ZFP37: variants seen among roughly 807,000 people sequenced by gnomAD.
The protein encoded by ZFP37 is zinc finger protein 37 homolog.
ZFP37 carries 38 observed loss-of-function variants against 52.1 expected under a neutral mutation model. The ratio of observed to expected loss-of-function variants is 0.73; its 90% CI spans 0.56 to 0.96. The LOEUF (loss-of-function observed/expected upper bound fraction) is 0.96. Among genes scored for constraint, ZFP37 ranks in the 40% least tolerant of loss-of-function variants. The pLI, the probability that ZFP37 is intolerant of heterozygous loss-of-function variation, is 0.00. For synonymous variants in ZFP37, 253 were observed against 259.5 expected (o/e 0.98, Z 0.24); for missense variants, 695 against 741.4 (o/e 0.94, Z 0.73).
intron 1 of ZFP37, among the ~76,000 whole-genome samples, chr9:113,051,623 T>C (rs1226711982): frequency 6.6e-6 from 1 of 152,084 alleles, no homozygotes; most frequent in Admixed American, 6.5e-5. Context: ...CTGACTGATT[T>C]TTAAATTTTT....
At position 113,038,729 on chromosome 9, in the gene ZFP37, G is replaced by A. The variant is rs1000366088; in HGVS notation, c.*3996C>T. The A allele has an allele frequency of 6.6e-6, 1 of 152,016 alleles. No homozygotes were observed. Among genetic ancestry groups the A allele is most frequent in the Non-Finnish European group, 1.5e-5 (1 of 68,002 alleles). The allele number at this position is 152,016 out of a possible 1,614,324, so 9.4% of individuals were successfully genotyped here. On this transcript the variant is annotated 3_prime_UTR_variant, in exon 4 of 4. Transcript: ENST00000374227. ...GCCTGGGAGGTAGAGATTGTAATGA[G>A]CCAAGATTGCACTACTGCACACTCC... is the stretch of plus-strand genomic sequence containing the variant.
At chr9:113,047,577 C>T (rs989652568) in intron 3 of ZFP37, among the ~76,000 whole-genome samples, 2 of 151,808 alleles carry the variant, frequency 1.3e-5, no homozygotes, top group Non-Finnish European at 2.9e-5. Context: ...CAGCAAGACC[C>T]TGTCTCTATG....
In ZFP37 at chr9:113,044,043, T is replaced by C. The variant is rs746217394; in HGVS notation, c.575A>G (p.Asp192Gly). ...KILKQNLDLP[D>G]HSRNCVKRKS... ...CCTTTTTACACAGTTTCTTGAGTGA[T>C]CAGGTAAATCTAAATTCTGTTTCAA... Residue 192 changes from aspartate to glycine, a missense_variant, in exon 4 of 4, where the codon GAT (aspartate) becomes GGT (glycine). Coordinates refer to ENST00000374227, the MANE Select transcript of ZFP37 (RefSeq NM_003408.3). 8 of 1,612,166 alleles carry C rather than the reference T, an allele frequency of 5.0e-6. No homozygotes were observed. Among genetic ancestry groups the C allele is most frequent in the South Asian group, 1.1e-5 (1 of 90,334 alleles).
intron 3 of ZFP37, among the ~76,000 whole-genome samples, chr9:113,048,168 GTGA>G (rs1828992574): frequency 6.6e-6 from 1 of 152,214 alleles, no homozygotes; most frequent in East Asian, 1.9e-4. Context: ...GTAAGCAGTG[GTGA>G]TCTTAAAGTC....
Position 113,043,674 on chromosome 9 carries a change from T to G in ZFP37, c.944A>C (p.His315Pro), listed in dbSNP as rs1828896866. Residue 315 changes from histidine (H) to proline (P), a missense_variant, in exon 4 of 4, where the codon CAT (histidine) becomes CCT (proline). Physicochemically the swap from His to Pro is moderately conservative, Grantham distance 77. Coordinates refer to ENST00000374227, the MANE Select transcript of ZFP37 (RefSeq NM_003408.3). Reference protein sequence around the residue: ...KQGLIDHQRVHTGEKPYECNE... With the variant: ...KQGLIDHQRVPTGEKPYECNE... ...ACATTCATATGGTTTCTCCCCAGTA[T>G]GAACTCTCTGATGGTCAATGAGTCC... 1 of 1,614,132 alleles carries G rather than the reference T, an allele frequency of 6.2e-7. No homozygotes were observed. Among genetic ancestry groups the G allele is most frequent in the Non-Finnish European group, 8.5e-7 (1 of 1,179,964 alleles).
intron 3 of ZFP37, among the ~76,000 whole-genome samples, chr9:113,044,601 GTTTC>G (rs1241796441): frequency 6.6e-6 from 1 of 151,962 alleles, no homozygotes; most frequent in Non-Finnish European, 1.5e-5. Flanking sequence ...ACTTTTTGAG[GTTTC>G]TTATAAGCCC....
At position 113,041,899 on chromosome 9, in the gene ZFP37, T is replaced by G. The variant is rs1389255488; in HGVS notation, c.*826A>C. The G allele has an allele frequency of 6.6e-6, 1 of 152,140 alleles. No individual in the cohort carries two copies. Among genetic ancestry groups the G allele is most frequent in the East Asian group, 1.9e-4 (1 of 5,192 alleles). 9.4% of individuals were successfully genotyped at this position (152,140 alleles called of 1,614,324 possible). The stretch of plus-strand genomic sequence containing the variant: ...ATCCAAATATACAAGGAAGTCTTGC[T>G]CCTATCCTAGACCCCAGTCCTATAC... On this transcript the variant is annotated 3_prime_UTR_variant, in exon 4 of 4. Transcript: ENST00000374227.
rs1829149804 is a variant in ZFP37, at chr9:113,056,589, T to A, written c.100A>T (p.Met34Leu). The A allele has an allele frequency of 6.2e-7, 1 of 1,613,784 alleles. No individual in the cohort carries two copies. The highest frequency in any genetic ancestry group is 1.7e-5 in the Admixed American group (1 of 60,012). The change falls in exon 1 of 4, where the codon ATG (methionine) becomes TTG (leucine). Residue 34 changes from methionine to leucine, a missense_variant. Transcript: ENST00000374227. The part of the protein sequence containing the change: ...TTKEAGRPLE[M>L]AVSEPEASAA... ...CTGGCCTCGGGCTCGGACACAGCCATCTCCAGTGGTCGCCCGGCCTCTTTG... is the reference window on the plus strand; with the variant it reads ...CTGGCCTCGGGCTCGGACACAGCCAACTCCAGTGGTCGCCCGGCCTCTTTG...
Position 113,041,248 on chromosome 9 carries a change from A to G in ZFP37, c.*1477T>C, listed in dbSNP as rs1828840617. ...GCCCAGCCAGAAGTATTTTTAATCTATGGCTCAAGAGTAAAAAAAATCCAG... is the reference window on the plus strand; with the variant it reads ...GCCCAGCCAGAAGTATTTTTAATCTGTGGCTCAAGAGTAAAAAAAATCCAG... On this transcript the variant is annotated 3_prime_UTR_variant, in exon 4 of 4. Coordinates refer to ENST00000374227, the MANE Select transcript of ZFP37 (RefSeq NM_003408.3). 6.6e-6 allele frequency: 1 copy of G among 152,118 alleles called. No homozygotes were observed. Among genetic ancestry groups the G allele is most frequent in the Non-Finnish European group, 1.5e-5 (1 of 68,030 alleles). 9.4% of individuals were successfully genotyped at this position (152,118 alleles called of 1,614,324 possible).
rs538169541 is a variant in ZFP37 at position 113,044,228 on chromosome 9, T to G, written c.390A>C (p.Lys130Asn). The G allele has an allele frequency of 6.3e-7, 1 of 1,574,916 alleles. No individual in the cohort carries two copies. The highest frequency in any genetic ancestry group is 1.2e-5 in the South Asian group (1 of 83,950). Residue 130 changes from lysine to asparagine, a missense_variant, in exon 4 of 4, where the codon AAA (lysine) becomes AAC (asparagine). Physicochemically the swap from Lys to Asn is moderately conservative, Grantham distance 94 (BLOSUM62 0). Coordinates refer to ENST00000374227, the MANE Select transcript of ZFP37 (RefSeq NM_003408.3). Reference protein sequence around the residue: ...KDDDQLENIQKSQNKLLREVA... With the variant: ...KDDDQLENIQNSQNKLLREVA... ...CTTCCCTGAGGAGTTTGTTTTGAGATTTCTGGATATTTTCAAGCTGGTCAT... is the reference window on the plus strand; with the variant it reads ...CTTCCCTGAGGAGTTTGTTTTGAGAGTTCTGGATATTTTCAAGCTGGTCAT...
At chr9:113,049,594 C>G in intron 2 of ZFP37, 98 bp from the exon 3 acceptor site, 1 of 1,493,034 alleles carries the variant, frequency 6.7e-7, no homozygotes, top group Non-Finnish European at 9.0e-7. Flanking sequence ...TACATGGCTT[C>G]TGGAGTTTCA....
chr9:113,043,862 T>C lies in ZFP37; in HGVS notation c.756A>G (p.Leu252=). ...TAATATGGGATGAACTATGACAGCA[T>C]AATTTGTCATGTTTTTTGCCAGTTT... The part of the protein sequence containing the change: ...CNKTGKKHDK[L]CCHSSSHIKQ... The change falls in exon 4 of 4, where the codon TTA becomes TTG. Residue 252 remains leucine (L), a synonymous_variant. Transcript: ENST00000374227. 1 of 1,614,118 alleles carries C rather than the reference T, an allele frequency of 6.2e-7. No homozygotes were observed. The highest frequency in any genetic ancestry group is 2.2e-5 in the East Asian group (1 of 44,870).
In ZFP37 at chr9:113,040,517, T is replaced by C. The variant is rs1267455487; in HGVS notation, c.*2208A>G. On this transcript the variant is annotated 3_prime_UTR_variant, in exon 4 of 4. Transcript: ENST00000374227. ...GTGCATGTGTATGCATGTGTGCACA[T>C]GCACATACACGAACACATATTCCAT... 1 of 152,262 alleles carries C rather than the reference T, an allele frequency of 6.6e-6. No homozygotes were observed. 9.4% of individuals were successfully genotyped at this position (152,262 alleles called of 1,614,324 possible).
At position 113,056,721 on chromosome 9, in the gene ZFP37, C is replaced by A. The variant is rs1278223634; in HGVS notation, c.-33G>T. ...ACCCGGAGGGCGGCCTTAGCGGGTCCGGCAGCCGCGATGGCGGCGCCCTTC... is the reference window on the plus strand; with the variant it reads ...ACCCGGAGGGCGGCCTTAGCGGGTCAGGCAGCCGCGATGGCGGCGCCCTTC... On this transcript the variant is annotated 5_prime_UTR_variant, in exon 1 of 4. Coordinates refer to ENST00000374227, the MANE Select transcript of ZFP37 (RefSeq NM_003408.3). 1 of 1,601,072 alleles carries A rather than the reference C, an allele frequency of 6.2e-7. No homozygotes were observed. Among genetic ancestry groups the A allele is most frequent in the Non-Finnish European group, 8.5e-7 (1 of 1,174,188 alleles).
At position 113,052,296 on chromosome 9, in the gene ZFP37, T is replaced by G. The variant is rs1164430364; in HGVS notation, c.133-2424A>C. Among the ~76,000 whole-genome samples, 1 of 152,164 alleles carries G rather than the reference T, an allele frequency of 6.6e-6. No homozygotes were observed. Among genetic ancestry groups the G allele is most frequent in the African/African-American group, 2.4e-5 (1 of 41,434 alleles). On this transcript the variant is annotated intron_variant, in intron 1 of 3. Transcript: ENST00000374227. This position sits in a 1 kb window ranked among gnomAD's most constrained non-coding sequence, Gnocchi z 4.1. The stretch of plus-strand genomic sequence containing the variant: ...CCACCCCTCTCCCTGCCATGACCCA[T>G]GTACCTCAGGGTCTAAAGATGAGGT...
chr9:113,055,231 T>C (rs1431191820), intron 1 of ZFP37, among the ~76,000 whole-genome samples: 1 of 152,192 alleles, frequency 6.6e-6, no homozygotes, highest in East Asian at 1.9e-4. Flanking sequence ...TGCCTCCTTG[T>C]GATGATTTAT....
rs923936925 is a variant in ZFP37 at position 113,040,609 on chromosome 9, G to T, written c.*2116C>A. The stretch of plus-strand genomic sequence containing the variant: ...AGGTCAGGAAGGAAGGAGCTTGAAT[G>T]ATAAATATTTGTAAAGATGGCATTT... On this transcript the variant is annotated 3_prime_UTR_variant, in exon 4 of 4. Coordinates refer to ENST00000374227, the MANE Select transcript of ZFP37 (RefSeq NM_003408.3). 2 of 152,198 alleles carry T rather than the reference G, an allele frequency of 1.3e-5. No individual in the cohort carries two copies. Among genetic ancestry groups the T allele is most frequent in the Non-Finnish European group, 2.9e-5 (2 of 68,026 alleles). The allele number at this position is 152,198 out of a possible 1,614,324, so 9.4% of individuals were successfully genotyped here. A position where few individuals can be genotyped will look rare whatever the true frequency, so the allele number is the denominator to read the frequency against.
At chr9:113,053,536 A>G (rs2118719771) in intron 1 of ZFP37, among the ~76,000 whole-genome samples, 1 of 152,330 alleles carries the variant, frequency 6.6e-6, no homozygotes, top group East Asian at 1.9e-4. Flanking sequence ...TAGTCCTACT[A>G]CCTAACCCTA....
intron 3 of ZFP37, among the ~76,000 whole-genome samples, chr9:113,048,808 T>C (rs1348559645): frequency 6.6e-6 from 1 of 152,176 alleles, no homozygotes; most frequent in Non-Finnish European, 1.5e-5. Context: ...AGTGGCCAGA[T>C]GGCCTGCTTT....
Sources: allele counts gnomAD v4.1 joint callset (sites outside exome capture counted in the v4.1 genomes callset), GRCh38; gene constraint gnomAD v4.1.1; non-coding constraint Gnocchi (gnomAD v3.1); transcripts MANE v1.5; gene names NCBI Gene and HGNC (gene_info 2026-07-23, HGNC 2026-07-21).